The following GALNT17 variants were observed in gnomAD, a reference collection of about 807,000 sequenced individuals.
The protein encoded by GALNT17 is polypeptide N-acetylgalactosaminyltransferase 17.
GALNT17 carries 29 observed loss-of-function variants against 63.7 expected under a neutral mutation model. That is an observed-to-expected ratio of 0.46 (90% CI 0.34 to 0.62). The LOEUF is 0.62. Among genes scored for constraint, GALNT17 ranks in the 20% least tolerant of loss-of-function variants. GALNT17 has a pLI of 0.01. For missense variants in GALNT17, 603 were observed against 799.6 expected (o/e 0.75, Z 2.97); for synonymous variants, 305 against 318.3 (o/e 0.96, Z 0.45).
chr7:71,296,890 G>T (rs1168773561), intron 1 of GALNT17, among the ~76,000 whole-genome samples: 1 of 152,018 alleles, frequency 6.6e-6, no homozygotes, highest in African/African-American at 2.4e-5. Flanking sequence ...CATTGATCTT[G>T]GCCTCCATCA....
intron 7 of GALNT17, among the ~76,000 whole-genome samples, chr7:71,669,621 G>T (rs1366261442): frequency 1.3e-5 from 2 of 149,572 alleles, no homozygotes; most frequent in South Asian, 2.1e-4. Context: ...GAGTGTAGTG[G>T]CATGATCTCG....
intron 5 of GALNT17, among the ~76,000 whole-genome samples, chr7:71,511,394 C>T (rs977919354): frequency 5.3e-5 from 8 of 151,952 alleles, no homozygotes; most frequent in South Asian, 2.1e-4. Flanking sequence ...AAGCAACCCT[C>T]GTGGCCCTAG....
At chr7:71,632,860 T>C (rs1232751894) in intron 6 of GALNT17, among the ~76,000 whole-genome samples, 1 of 152,000 alleles carries the variant, frequency 6.6e-6, no homozygotes, top group East Asian at 1.9e-4. Context: ...TCCCAGCAAT[T>C]TGGGAGGCTG....
chr7:71,594,879 A>G (rs578171166), intron 6 of GALNT17, among the ~76,000 whole-genome samples: 1 of 152,332 alleles, frequency 6.6e-6, no homozygotes, highest in South Asian at 2.1e-4. Flanking sequence ...AGGCATGTTG[A>G]AGTCCTTACC....
chr7:71,561,442 G>T (rs528271930), intron 5 of GALNT17, among the ~76,000 whole-genome samples: 9 of 152,318 alleles, frequency 5.9e-5, no homozygotes, highest in Admixed American at 3.3e-4. Context: ...AACTCCAGGG[G>T]TGAGGATGAG....
chr7:71,598,093 G>A (rs558547390), intron 6 of GALNT17, among the ~76,000 whole-genome samples: 238 of 152,050 alleles, frequency 1.6e-3, no homozygotes, highest in African/African-American at 5.3e-3. Flanking sequence ...ACAGGCGCAC[G>A]CCACCATGCC....
chr7:71,324,895 A>G (rs1791678885), intron 1 of GALNT17, among the ~76,000 whole-genome samples: 1 of 152,166 alleles, frequency 6.6e-6, no homozygotes, highest in South Asian at 2.1e-4. Flanking sequence ...TGTCATTTGA[A>G]CTAATTATCA....
At chr7:71,689,043 A>G (rs1791403506) in intron 9 of GALNT17, among the ~76,000 whole-genome samples, 1 of 152,120 alleles carries the variant, frequency 6.6e-6, no homozygotes. Flanking sequence ...GTTTGTGATC[A>G]GTATCTTTGA....
chr7:71,335,330 A>G (rs182643882), intron 1 of GALNT17, among the ~76,000 whole-genome samples: 20 of 152,158 alleles, frequency 1.3e-4, no homozygotes, highest in African/African-American at 4.6e-4. Context: ...ACAGAGGGAG[A>G]GGATTCTAAC....
At chr7:71,693,038 T>A (rs1584142179) in intron 9 of GALNT17, among the ~76,000 whole-genome samples, 1 of 151,838 alleles carries the variant, frequency 6.6e-6, no homozygotes, top group Non-Finnish European at 1.5e-5. Flanking sequence ...AAGTACATAT[T>A]TGTTATAGTA....
chr7:71,570,346 C>G (rs1789418836), intron 5 of GALNT17, among the ~76,000 whole-genome samples: 1 of 152,144 alleles, frequency 6.6e-6, no homozygotes, highest in Admixed American at 6.6e-5. Flanking sequence ...TGTTTCCTCC[C>G]TGAGTCTTCT....
intron 2 of GALNT17, among the ~76,000 whole-genome samples, chr7:71,340,197 T>G (rs1345196019): frequency 6.6e-6 from 1 of 152,232 alleles, no homozygotes; most frequent in Admixed American, 6.5e-5. Flanking sequence ...TTAGCAGTTA[T>G]GTCCCCAGAT....
intron 1 of GALNT17, among the ~76,000 whole-genome samples, chr7:71,206,652 C>T (rs1445953273): frequency 6.6e-6 from 1 of 152,044 alleles, no homozygotes. Context: ...GTTTTATTGT[C>T]AGGGCGACCA....
intron 3 of GALNT17, among the ~76,000 whole-genome samples, chr7:71,390,622 T>C (rs1373281929): frequency 2.0e-5 from 3 of 152,310 alleles, no homozygotes; most frequent in Admixed American, 6.5e-5. Context: ...GGCCTTTCTC[T>C]GCACCTACCA....
In GALNT17 at chr7:71,695,260, G is replaced by A. The variant is rs562175206; in HGVS notation, c.1501-15501G>A. 6.6e-5 allele frequency among the ~76,000 whole-genome samples: 10 copies of A among 152,220 alleles called. No homozygotes were observed. The South Asian group carries it at 1.5e-3, about 22-fold the overall frequency. Reference sequence around the variant, plus strand: ...CCATCAGAACTGCCCCAATCTATCCGCTCCTAGAACTGTCTCTGCAAGAAA... The same window carrying A: ...CCATCAGAACTGCCCCAATCTATCCACTCCTAGAACTGTCTCTGCAAGAAA... On this transcript the variant is annotated intron_variant, in intron 9 of 10. Coordinates refer to ENST00000333538, the MANE Select transcript of GALNT17 (RefSeq NM_022479.3).
chr7:71,472,577 T>C (rs181282232), intron 5 of GALNT17, among the ~76,000 whole-genome samples: 108 of 152,160 alleles, frequency 7.1e-4, no homozygotes, highest in Non-Finnish European at 1.4e-3. Flanking sequence ...TCCCAGCTAG[T>C]CGGGAGGCAG....
chr7:71,600,673 T>C (rs1251971856), intron 6 of GALNT17, among the ~76,000 whole-genome samples: 3 of 152,174 alleles, frequency 2.0e-5, no homozygotes, highest in Non-Finnish European at 4.4e-5. Context: ...CCTGTGTCCC[T>C]GGAGGAATGG....
intron 5 of GALNT17, among the ~76,000 whole-genome samples, chr7:71,514,138 T>A (rs1191665618): frequency 1.3e-5 from 2 of 152,146 alleles, no homozygotes; most frequent in African/African-American, 4.8e-5. Context: ...AAGGATGCAG[T>A]GAGCTATGAT....
intron 2 of GALNT17, among the ~76,000 whole-genome samples, chr7:71,348,937 C>T (rs567228263): frequency 2.0e-5 from 3 of 152,212 alleles, no homozygotes; most frequent in Non-Finnish European, 4.4e-5. Flanking sequence ...TGCCTCCAGG[C>T]GTCTACATGG....
Sources: allele counts gnomAD v4.1 joint callset (sites outside exome capture counted in the v4.1 genomes callset), GRCh38; gene constraint gnomAD v4.1.1; transcripts MANE v1.5; gene names NCBI Gene and HGNC (gene_info 2026-07-23, HGNC 2026-07-21).